The following KCNQ1 variants were observed in gnomAD, a reference collection of about 807,000 sequenced individuals.
The protein encoded by KCNQ1 is potassium voltage-gated channel subfamily KQT member 1.
In KCNQ1, 49 loss-of-function variants were observed where a neutral mutation model predicts 72.4. The ratio of observed to expected loss-of-function variants is 0.68; its 90% CI spans 0.54 to 0.86. KCNQ1 has a LOEUF of 0.86. Among genes scored for constraint, KCNQ1 ranks in the 40% least tolerant of loss-of-function variants. The probability of loss-of-function intolerance (pLI) is 0.00; values close to 1 mark genes in which losing one functional copy is unlikely to be tolerated. For synonymous variants in KCNQ1, 450 were observed against 412.6 expected (o/e 1.09, Z -1.10); for missense variants, 790 against 945.1 (o/e 0.84, Z 2.15).
At chr11:2,774,986 G>A (rs895536153) in intron 12 of KCNQ1, among the ~76,000 whole-genome samples, 5 of 152,106 alleles carry the variant, frequency 3.3e-5, no homozygotes, top group African/African-American at 1.2e-4. Context: ...AAATTCCCCA[G>A]CAAAAGGCAG....
At position 2,830,854 on chromosome 11, in the gene KCNQ1, C is replaced by G. The variant is rs1847932848; in HGVS notation, c.1795-16913C>G. On this transcript the variant is annotated intron_variant, in intron 15 of 15. Transcript: ENST00000155840. The surrounding 1 kb of genome is among the most constrained non-coding windows in gnomAD (Gnocchi z 7.7). ...CCCAGCACAGGCTGGCCCAACCCCT[C>G]TCTAGGCCTCAGCTTTCCTGTCAGG... Among the ~76,000 whole-genome samples the G allele has an allele frequency of 1.3e-5, 2 of 152,208 alleles. No individual in the cohort carries two copies. The highest frequency in any genetic ancestry group is 1.3e-4 in the Admixed American group (2 of 15,284).
At chr11:2,619,712 A>C (rs1435801359) in intron 10 of KCNQ1, 3 of 368,090 alleles carry the variant, frequency 8.2e-6, no homozygotes, top group South Asian at 1.4e-4. Context: ...CTTTAGCTGC[A>C]TTTTTTTTTT....
Position 2,674,562 on chromosome 11 carries a change from G to A in KCNQ1, c.1514+12481G>A, listed in dbSNP as rs1035430670. ...ATTTAGACAAATACCTCGAGTGAGT[G>A]AATCTGAAGCATGCTAGTTGTGTTG... On this transcript the variant is annotated intron_variant, in intron 11 of 15. Transcript: ENST00000155840. This position sits in a 1 kb window ranked among gnomAD's most constrained non-coding sequence, Gnocchi z 5.9. 5.0e-6 allele frequency: 2 copies of A among 398,642 alleles called. No homozygotes were observed. The highest frequency in any genetic ancestry group is 7.1e-5 in the East Asian group (2 of 28,068). The allele number at this position is 398,642 out of a possible 1,614,324, so 24.7% of individuals were successfully genotyped here.
At chr11:2,501,437 A>G (rs1847008700) in intron 1 of KCNQ1, among the ~76,000 whole-genome samples, 1 of 152,176 alleles carries the variant, frequency 6.6e-6, no homozygotes, top group Non-Finnish European at 1.5e-5. Context: ...GAAGAAATGG[A>G]TACATTCCTA....
chr11:2,788,561 C>A (rs1050783366), intron 15 of KCNQ1, among the ~76,000 whole-genome samples: 2 of 151,172 alleles, frequency 1.3e-5, no homozygotes, highest in Non-Finnish European at 3.0e-5. Flanking sequence ...CCCCGCCCCC[C>A]ACACCCAACC....
At position 2,755,476 on chromosome 11, in the gene KCNQ1, C is replaced by T. The variant is rs1238345315; in HGVS notation, c.1515-13368C>T. Among the ~76,000 whole-genome samples, 4 of 152,322 alleles carry T rather than the reference C, an allele frequency of 2.6e-5. No individual in the cohort carries two copies. In the East Asian group the frequency reaches 7.7e-4, roughly 29 times the overall value. On this transcript the variant is annotated intron_variant, in intron 11 of 15. Transcript: ENST00000155840. ...CTATGTTGCCTAAACTGGTCTTGAA[C>T]TCCTGGCCTTAAGTGAGCCTCCCAC...
chr11:2,472,701 CCTG>C, intron 1 of KCNQ1, among the ~76,000 whole-genome samples: 1 of 152,170 alleles, frequency 6.6e-6, no homozygotes, highest in East Asian at 1.9e-4. Flanking sequence ...GAGCTCCCTG[CCTG>C]CTATGACCTC....
intron 1 of KCNQ1, among the ~76,000 whole-genome samples, chr11:2,499,870 C>G (rs1032513341): frequency 6.6e-6 from 1 of 152,186 alleles, no homozygotes; most frequent in African/African-American, 2.4e-5. Flanking sequence ...GAAGAATACA[C>G]ATTCTCCTCA....
chr11:2,662,144 T>C, intron 11 of KCNQ1, 63 bp downstream of exon 11: 1 of 1,608,682 alleles, frequency 6.2e-7, no homozygotes, highest in East Asian at 2.2e-5. Context: ...GGAGTCAGAC[T>C]TGGTGCTGGG....
At chr11:2,819,945 G>T (rs1331024699) in intron 15 of KCNQ1, among the ~76,000 whole-genome samples, 2 of 152,010 alleles carry the variant, frequency 1.3e-5, no homozygotes, top group African/African-American at 2.4e-5. Flanking sequence ...CAATTCCCTC[G>T]GTAGCAGTAG....
At position 2,647,915 on chromosome 11, in the gene KCNQ1, C is replaced by T. The variant is rs929677940; in HGVS notation, c.1394-14046C>T. ...TAATGGTTTATTGATTTTCTCTTTT[C>T]AAAAAATCAGTTTTTTGGCTGGGTT... On this transcript the variant is annotated intron_variant, in intron 10 of 15. Coordinates refer to ENST00000155840, the MANE Select transcript of KCNQ1 (RefSeq NM_000218.3). The surrounding 1 kb of genome is among the most constrained non-coding windows in gnomAD (Gnocchi z 4.0). 7 of 398,132 alleles carry T rather than the reference C, an allele frequency of 1.8e-5. No homozygotes were observed. Among genetic ancestry groups the T allele is most frequent in the Non-Finnish European group, 3.1e-5 (7 of 226,000 alleles). 24.7% of individuals were successfully genotyped at this position (398,132 alleles called of 1,614,324 possible).
At chr11:2,632,425 A>G (rs1849376099) in intron 10 of KCNQ1, 1 of 398,262 alleles carries the variant, frequency 2.5e-6, no homozygotes, top group Admixed American at 4.4e-5. Context: ...TAAAATGCGC[A>G]TCTTGCTTTA....
intron 1 of KCNQ1, among the ~76,000 whole-genome samples, chr11:2,499,389 T>A (rs1422328960): frequency 6.6e-6 from 1 of 151,538 alleles, no homozygotes; most frequent in East Asian, 1.9e-4. Flanking sequence ...AGAAGGGAAG[T>A]AACAAAGGAA....
chr11:2,793,440 C>T (rs1847072199), intron 15 of KCNQ1, among the ~76,000 whole-genome samples: 1 of 116,092 alleles, frequency 8.6e-6, no homozygotes, highest in South Asian at 2.5e-4. Flanking sequence ...GGCAACATAG[C>T]GAGACCCTGT....
intron 11 of KCNQ1, among the ~76,000 whole-genome samples, chr11:2,743,102 A>G (rs996140525): frequency 3.3e-5 from 5 of 152,092 alleles, no homozygotes; most frequent in African/African-American, 1.2e-4. Flanking sequence ...TGAACATTAG[A>G]GCAGGTGGCC....
chr11:2,550,594 C>T lies in KCNQ1; in HGVS notation c.478-20034C>T, dbSNP rs1423585581. Among the ~76,000 whole-genome samples, 1 of 152,140 alleles carries T rather than the reference C, an allele frequency of 6.6e-6. No individual in the cohort carries two copies. The highest frequency in any genetic ancestry group is 1.5e-5 in the Non-Finnish European group (1 of 68,010). The stretch of plus-strand genomic sequence containing the variant: ...AGGGGAACAAATGCCAACACGTGAG[C>T]TGAGTGACCGGAAGAGGGGGCGCCT... On this transcript the variant is annotated intron_variant, in intron 2 of 15. Coordinates refer to ENST00000155840, the MANE Select transcript of KCNQ1 (RefSeq NM_000218.3). This position sits in a 1 kb window ranked among gnomAD's most constrained non-coding sequence, Gnocchi z 6.0.
chr11:2,511,004 G>A (rs1053476828), intron 1 of KCNQ1, among the ~76,000 whole-genome samples: 3 of 152,104 alleles, frequency 2.0e-5, no homozygotes, highest in African/African-American at 4.8e-5. Flanking sequence ...GCCTCTCCCC[G>A]AGACGTCACC....
chr11:2,542,130 A>G (rs561204119), intron 2 of KCNQ1, among the ~76,000 whole-genome samples: 59 of 152,352 alleles, frequency 3.9e-4, no homozygotes, highest in African/African-American at 1.4e-3. Context: ...GGGTCCACAC[A>G]CGTCACCAAT....
Position 2,600,148 on chromosome 11 carries a change from G to T in KCNQ1, c.1393+11294G>T, listed in dbSNP as rs1848780875. Among the ~76,000 whole-genome samples the T allele has an allele frequency of 6.6e-6, 1 of 152,094 alleles. No individual in the cohort carries two copies. Among genetic ancestry groups the T allele is most frequent in the African/African-American group, 2.4e-5 (1 of 41,412 alleles). On this transcript the variant is annotated intron_variant, in intron 10 of 15. Transcript: ENST00000155840. The surrounding 1 kb of genome is among the most constrained non-coding windows in gnomAD (Gnocchi z 5.6). The stretch of plus-strand genomic sequence containing the variant: ...GAAATCTAGTGCCGGATAATTCTTT[G>T]TTGAGGGAGGAAGTCCTGTCTATTG...
Sources: allele counts gnomAD v4.1 joint callset (sites outside exome capture counted in the v4.1 genomes callset), GRCh38; gene constraint gnomAD v4.1.1; non-coding constraint Gnocchi (gnomAD v3.1); transcripts MANE v1.5; gene names NCBI Gene and HGNC (gene_info 2026-07-23, HGNC 2026-07-21).